OLFM3: variants seen among roughly 807,000 people sequenced by gnomAD.
The protein encoded by OLFM3 is olfactomedin 3.
OLFM3 carries 20 observed loss-of-function variants against 48.6 expected under a neutral mutation model. The observed-to-expected ratio is 0.41, with a 90% CI of 0.29 to 0.60. The LOEUF (loss-of-function observed/expected upper bound fraction) is 0.60, where lower values mean the gene tolerates loss of function less well. Among genes scored for constraint, OLFM3 ranks in the 20% least tolerant of loss-of-function variants. The probability of loss-of-function intolerance (pLI) is 0.28; values close to 1 mark genes in which losing one functional copy is unlikely to be tolerated. For synonymous variants in OLFM3, 222 were observed against 198.1 expected (o/e 1.12, Z -1.01); for missense variants, 437 against 544.3 (o/e 0.80, Z 1.96).
At chr1:101,983,039 C>G (rs1338753298) in intron 1 of OLFM3, among the ~76,000 whole-genome samples, 1 of 152,000 alleles carries the variant, frequency 6.6e-6, no homozygotes, top group Non-Finnish European at 1.5e-5. Flanking sequence ...AACTAAATTC[C>G]AGAAATATTT....
At chr1:101,828,066 G>C (rs11164307) in intron 3 of OLFM3, among the ~76,000 whole-genome samples, 4,121 of 141,338 alleles carry the variant, frequency 0.029, 115 homozygotes, top group African/African-American at 0.064. Flanking sequence ...CTCTCTCTCT[G>C]TCTCTCTCTC....
intron 4 of OLFM3, among the ~76,000 whole-genome samples, chr1:101,819,559 T>C (rs34708542): frequency 0.24 from 36,532 of 151,728 alleles, 4,958 homozygotes; most frequent in Middle Eastern, 0.39. Flanking sequence ...TTTTGAGAAA[T>C]TGGTGAGGGG....
chr1:101,893,377 T>TG, intron 1 of OLFM3: 1 of 386,018 alleles, frequency 2.6e-6, no homozygotes, highest in South Asian at 2.4e-5. Flanking sequence ...CCCAGGGCCA[T>TG]GGGGAACAGA....
chr1:101,907,794 G>A (rs1015298382), intron 1 of OLFM3, among the ~76,000 whole-genome samples: 3 of 152,136 alleles, frequency 2.0e-5, no homozygotes, highest in African/African-American at 4.8e-5. Context: ...TGCAAAAGGC[G>A]AAAGGTACTT....
intron 3 of OLFM3, among the ~76,000 whole-genome samples, chr1:101,826,303 A>C (rs1458980864): frequency 6.6e-6 from 1 of 152,100 alleles, no homozygotes; most frequent in Admixed American, 6.5e-5. Context: ...AGTAGTGAAA[A>C]TAGTAGTGAA....
chr1:101,982,697 T>C (rs1320028815), intron 1 of OLFM3, among the ~76,000 whole-genome samples: 9 of 152,162 alleles, frequency 5.9e-5, no homozygotes, highest in Non-Finnish European at 1.5e-5. Flanking sequence ...CCTGACTGCT[T>C]TTGAGCTTGG....
chr1:101,816,158 A>G (rs1654327013), intron 4 of OLFM3, among the ~76,000 whole-genome samples: 1 of 152,214 alleles, frequency 6.6e-6, no homozygotes, highest in African/African-American at 2.4e-5. Context: ...CTGATTACAA[A>G]ACTCAGAAAA....
intron 1 of OLFM3, among the ~76,000 whole-genome samples, chr1:101,926,074 G>A (rs575774668): frequency 6.6e-6 from 1 of 152,270 alleles, no homozygotes; most frequent in South Asian, 2.1e-4. Flanking sequence ...AGATTATTCT[G>A]AAGTATATGT....
At chr1:101,815,657 A>G (rs925487542) in intron 4 of OLFM3, among the ~76,000 whole-genome samples, 7 of 152,306 alleles carry the variant, frequency 4.6e-5, no homozygotes, top group Admixed American at 3.9e-4. Flanking sequence ...TGGCTTGTCC[A>G]GCTAGACAGA....
At chr1:101,822,778 A>G (rs1416537671) in intron 4 of OLFM3, among the ~76,000 whole-genome samples, 1 of 152,174 alleles carries the variant, frequency 6.6e-6, no homozygotes, top group Non-Finnish European at 1.5e-5. Context: ...TTCTTAATAT[A>G]AAAAGAATCA....
At position 101,803,494 on chromosome 1, in the gene OLFM3, T is replaced by C. The variant is rs1329350990; in HGVS notation, c.*744A>G. ...CTATGTCAGGTGTCTGGTTTGGTTT[T>C]CATTTTAGTTTATAATGCTTATGTA... is the stretch of plus-strand genomic sequence containing the variant. On this transcript the variant is annotated 3_prime_UTR_variant, in exon 6 of 6. Coordinates refer to ENST00000370103, the MANE Select transcript of OLFM3 (RefSeq NM_058170.4). 6.6e-6 allele frequency: 1 copy of C among 152,176 alleles called. No homozygotes were observed. Among genetic ancestry groups the C allele is most frequent in the Non-Finnish European group, 1.5e-5 (1 of 67,790 alleles). The allele number at this position is 152,176 out of a possible 1,614,324, so 9.4% of individuals were successfully genotyped here.
chr1:101,855,291 C>T (rs867514369), intron 1 of OLFM3, among the ~76,000 whole-genome samples: 5 of 151,946 alleles, frequency 3.3e-5, no homozygotes, highest in African/African-American at 1.2e-4. Context: ...GTATTGCTAT[C>T]GTAACCAGTT....
chr1:101,831,469 G>A (rs1655145466), intron 2 of OLFM3, among the ~76,000 whole-genome samples: 1 of 152,160 alleles, frequency 6.6e-6, no homozygotes, highest in Non-Finnish European at 1.5e-5. Flanking sequence ...ACCATCCCAG[G>A]TTCGCTGAAC....
At chr1:101,984,107 C>T (rs1661170799) in intron 1 of OLFM3, among the ~76,000 whole-genome samples, 1 of 151,942 alleles carries the variant, frequency 6.6e-6, no homozygotes, top group Admixed American at 6.6e-5. Context: ...GAGCGTGGTG[C>T]CACACACTTG....
chr1:101,927,214 A>G (rs1207619474), intron 1 of OLFM3, among the ~76,000 whole-genome samples: 2 of 152,100 alleles, frequency 1.3e-5, no homozygotes, highest in African/African-American at 4.8e-5. Flanking sequence ...AAGAAGTAAA[A>G]ACTGCTTGAA....
intron 1 of OLFM3, among the ~76,000 whole-genome samples, chr1:101,973,349 G>A (rs1247520748): frequency 5.9e-5 from 9 of 152,220 alleles, no homozygotes; most frequent in Admixed American, 5.9e-4. Context: ...TGTTCCAACT[G>A]AAGAGAGAGT....
intron 4 of OLFM3, among the ~76,000 whole-genome samples, chr1:101,814,102 C>T (rs1355589994): frequency 3.3e-5 from 5 of 152,050 alleles, no homozygotes; most frequent in Admixed American, 2.6e-4. Context: ...GTAAAGTGGT[C>T]TTTTGGCTAG....
intron 4 of OLFM3, among the ~76,000 whole-genome samples, chr1:101,816,272 G>A (rs1187270391): frequency 6.6e-6 from 1 of 152,138 alleles, no homozygotes; most frequent in Non-Finnish European, 1.5e-5. Flanking sequence ...AGGGAGACAG[G>A]AGTAGGAAAA....
chr1:101,876,923 T>A (rs1487870185), intron 1 of OLFM3, among the ~76,000 whole-genome samples: 1 of 151,922 alleles, frequency 6.6e-6, no homozygotes, highest in Non-Finnish European at 1.5e-5. Context: ...CTTATCTAGC[T>A]CTGTCACCCT....
Sources: allele counts gnomAD v4.1 joint callset (sites outside exome capture counted in the v4.1 genomes callset), GRCh38; gene constraint gnomAD v4.1.1; transcripts MANE v1.5; gene names NCBI Gene and HGNC (gene_info 2026-07-23, HGNC 2026-07-21).